The following TRANK1 variants were observed in gnomAD, a reference collection of about 807,000 sequenced individuals.
TRANK1 encodes the protein TPR and ankyrin repeat-containing protein 1.
Under a neutral mutation model 266.0 loss-of-function variants are expected in TRANK1, and 198 were observed. That is an observed-to-expected ratio of 0.74 (90% CI 0.66 to 0.84). The LOEUF is 0.84. TRANK1 is among the 40% of genes least tolerant of loss of function. TRANK1 has a pLI of 0.00. For synonymous variants in TRANK1, 1,396 were observed against 1,384.1 expected, an observed-to-expected ratio of 1.01 and a Z score of -0.19; for missense variants, 3,326 against 3,634.6, an observed-to-expected ratio of 0.92 and a Z score of 2.18.
intron 1 of TRANK1, among the ~76,000 whole-genome samples, chr3:36,913,634 T>C: frequency 6.6e-6 from 1 of 152,170 alleles, no homozygotes; most frequent in Admixed American, 6.5e-5. Context: ...TGTTTTGTTT[T>C]GTTTTTTTCT....
rs374776278 is a variant in TRANK1, at chr3:36,833,790, G to A, written c.5793C>T (p.Leu1931=). Reference sequence around the variant, plus strand: ...GCTGGTCTTCTATGTCTAGCTTTGAGAGGACAGCCATCATTTCCTTCATCT... The same window carrying A: ...GCTGGTCTTCTATGTCTAGCTTTGAAAGGACAGCCATCATTTCCTTCATCT... ...ANKMKEMMAV[L]SKLDIEDQLV... is the part of the protein sequence containing the mutation. The change falls in exon 22 of 24, where the codon CTC becomes CTT. Residue 1931 remains leucine (L), a synonymous_variant. Transcript: ENST00000645898. The A allele has an allele frequency of 6.2e-7, 1 of 1,613,888 alleles. No individual in the cohort carries two copies. Among genetic ancestry groups the A allele is most frequent in the Non-Finnish European group, 8.5e-7 (1 of 1,179,904 alleles).
At chr3:36,838,800 G>T in intron 18 of TRANK1, 84 bp from the exon 19 acceptor site, 1 of 1,345,594 alleles carries the variant, frequency 7.4e-7, no homozygotes. Flanking sequence ...TTATAAGTTT[G>T]TACTGACAAA....
At position 36,838,469 on chromosome 3, in the gene TRANK1, G is replaced by A; in HGVS notation, c.5420C>T (p.Thr1807Ile). The part of the protein sequence containing the change: ...KQLEYLELAK[T>I]YLECKEPTLS... ...TGTTGGCTCTTTGCACTCCAAATAGGTCTTAGCCAATTCCAAATATTCCAA... is the reference window on the plus strand; with the variant it reads ...TGTTGGCTCTTTGCACTCCAAATAGATCTTAGCCAATTCCAAATATTCCAA... Residue 1807 changes from threonine to isoleucine, a missense_variant, in exon 20 of 24, where the codon ACC becomes ATC. By Grantham distance (89) the Thr-to-Ile change is moderately conservative. Coordinates refer to ENST00000645898, the MANE Select transcript of TRANK1 (RefSeq NM_001329998.2). 6.2e-7 allele frequency: 1 copy of A among 1,614,022 alleles called. No individual in the cohort carries two copies. Among genetic ancestry groups the A allele is most frequent in the Non-Finnish European group, 8.5e-7 (1 of 1,179,902 alleles).
chr3:36,908,616 C>T, intron 1 of TRANK1, 162 bp from the exon 2 acceptor site: 2 of 1,229,350 alleles, frequency 1.6e-6, no homozygotes, highest in East Asian at 3.2e-5. Context: ...GGAAACCAGG[C>T]AGAGTGTCTG....
intron 18 of TRANK1, among the ~76,000 whole-genome samples, chr3:36,841,548 G>T (rs748158370): frequency 1.4e-4 from 21 of 152,152 alleles, no homozygotes; most frequent in Non-Finnish European, 2.9e-4. Context: ...ACCCACAAAA[G>T]GTTAAAACTG....
intron 10 of TRANK1, among the ~76,000 whole-genome samples, chr3:36,864,117 T>C (rs1279529404): frequency 6.6e-6 from 1 of 152,206 alleles, no homozygotes; most frequent in East Asian, 1.9e-4. Context: ...TAACAGGTTG[T>C]TTCTGGGGAT....
At chr3:36,922,990 C>T (rs1037724932) in intron 1 of TRANK1, among the ~76,000 whole-genome samples, 4 of 152,138 alleles carry the variant, frequency 2.6e-5, no homozygotes, top group East Asian at 1.9e-4. Context: ...CCAGGACACA[C>T]AGTGCTCCTG....
chr3:36,838,346 G>A (rs374873663), intron 20 of TRANK1, 26 bp downstream of exon 20: 1 of 1,612,440 alleles, frequency 6.2e-7, no homozygotes, highest in Non-Finnish European at 8.5e-7. Context: ...GTTTTCCCTG[G>A]AGCAGCAGCG....
upstream of TRANK1, among the ~76,000 whole-genome samples, chr3:36,945,491 G>C (rs1007223726): frequency 1.3e-5 from 2 of 152,170 alleles, no homozygotes; most frequent in African/African-American, 4.8e-5. Flanking sequence ...CTCTGGGGAG[G>C]CTGGGGGTCC....
At chr3:36,847,076 C>T in intron 16 of TRANK1, 124 bp downstream of exon 16, 1 of 1,203,548 alleles carries the variant, frequency 8.3e-7, no homozygotes, top group Non-Finnish European at 1.1e-6. Flanking sequence ...TTCTTATCCT[C>T]AATTCCCCGT....
intron 2 of TRANK1, among the ~76,000 whole-genome samples, chr3:36,907,694 G>T (rs1450482485): frequency 6.8e-6 from 1 of 146,894 alleles, no homozygotes; most frequent in African/African-American, 2.5e-5. Context: ...TCGATCTCCT[G>T]ACCTCGTGAT....
rs1488510056 is a variant in TRANK1, at chr3:36,903,346, C to A, written c.156-71G>T. 7.4e-6 allele frequency: 11 copies of A among 1,492,836 alleles called. No homozygotes were observed. The East Asian group carries it at 2.2e-4, about 30-fold the overall frequency. 92.5% of individuals were successfully genotyped at this position (1,492,836 alleles called of 1,614,324 possible). On this transcript the variant is annotated intron_variant, in intron 2 of 23. Transcript: ENST00000645898. ...AAACAGTCTGTGAAGTCCCCCCATT[C>A]GGTGCTGGCTGCTGCCATCAGGAAG... is the stretch of plus-strand genomic sequence containing the variant.
intron 1 of TRANK1, among the ~76,000 whole-genome samples, chr3:36,923,533 G>A (rs2080246320): frequency 1.3e-5 from 2 of 152,122 alleles, no homozygotes. Context: ...TAGGATTACA[G>A]GTGTGAGCCA....
intron 8 of TRANK1, among the ~76,000 whole-genome samples, chr3:36,879,205 C>T (rs1203174664): frequency 6.6e-6 from 1 of 150,862 alleles, no homozygotes; most frequent in African/African-American, 2.4e-5. Flanking sequence ...TATATACATA[C>T]ACAAAAACAA....
chr3:36,940,183 C>T (rs112685878), intron 1 of TRANK1, among the ~76,000 whole-genome samples: 66 of 151,884 alleles, frequency 4.3e-4, no homozygotes, highest in African/African-American at 1.5e-3. Flanking sequence ...CCGCGCCTGG[C>T]CCACCATTAT....
At chr3:36,842,458 C>T (rs2078859614) in intron 18 of TRANK1, among the ~76,000 whole-genome samples, 164 bp downstream of exon 18, 1 of 152,246 alleles carries the variant, frequency 6.6e-6, no homozygotes, top group African/African-American at 2.4e-5. Context: ...AGGAGCAGGA[C>T]AGGAAGCTCT....
At chr3:36,866,112 G>GAAAGAAAGAA (rs1375454005) in intron 9 of TRANK1, among the ~76,000 whole-genome samples, 2 of 150,044 alleles carry the variant, frequency 1.3e-5, no homozygotes, top group Non-Finnish European at 3.0e-5. Context: ...AAGAAAGAAA[G>GAAAGAAAGAA]AAAGAGTCAC....
rs747457546 is a variant in TRANK1 at position 36,855,776 on chromosome 3, C to A, written c.3946G>T (p.Asp1316Tyr). 1.2e-6 allele frequency: 2 copies of A among 1,613,736 alleles called. No individual in the cohort carries two copies. The highest frequency in any genetic ancestry group is 1.1e-5 in the South Asian group (1 of 91,080). The part of the protein sequence containing the change: ...KAVEMRTGDS[D>Y]PRVYVTFEVF... ...TCAAACGTCACGTACACCCGGGGGT[C>A]ACTGTCACCCGTACGCATTTCTACA... is the stretch of plus-strand genomic sequence containing the variant. Residue 1316 changes from aspartate (D) to tyrosine (Y), a missense_variant, in exon 13 of 24, where the codon GAC (aspartate) becomes TAC (tyrosine). Physicochemically the swap from Asp to Tyr is radical, Grantham distance 160 (BLOSUM62 -3). Transcript: ENST00000645898.
At chr3:36,874,048 A>T (rs774507991) in intron 9 of TRANK1, 78 bp downstream of exon 9, 81 of 1,347,112 alleles carry the variant, frequency 6.0e-5, no homozygotes, top group Non-Finnish European at 7.5e-5. Flanking sequence ...ATATACCAAA[A>T]AGAGATAAAC....
Sources: allele counts gnomAD v4.1 joint callset (sites outside exome capture counted in the v4.1 genomes callset), GRCh38; gene constraint gnomAD v4.1.1; transcripts MANE v1.5; gene names NCBI Gene and HGNC (gene_info 2026-07-23, HGNC 2026-07-21).